The following RBFOX1 variants were observed in gnomAD, a reference collection of about 807,000 sequenced individuals.
RBFOX1 encodes the protein RNA binding fox-1 homolog 1.
RBFOX1 carries 8 observed loss-of-function variants against 57.7 expected under a neutral mutation model. The observed-to-expected ratio is 0.14, with a 90% CI of 0.08 to 0.25. RBFOX1 has a LOEUF of 0.25. RBFOX1 is among the 10% of genes least tolerant of loss of function. The probability of loss-of-function intolerance (pLI) is 1.00; values close to 1 mark genes in which losing one functional copy is unlikely to be tolerated. For missense variants in RBFOX1, 611 were observed against 548.5 expected, an observed-to-expected ratio of 1.11 and a Z score of -1.14; for synonymous variants, 326 against 222.4, an observed-to-expected ratio of 1.47 and a Z score of -4.15.
chr16:7,125,378 T>C (rs1169503691), intron 4 of RBFOX1, among the ~76,000 whole-genome samples: 2 of 152,164 alleles, frequency 1.3e-5, no homozygotes, highest in Non-Finnish European at 2.9e-5. Flanking sequence ...GGCAAATCAA[T>C]AGATGGTTGA....
chr16:5,681,791 T>C (rs2050347827), intron 3 of RBFOX1, among the ~76,000 whole-genome samples: 2 of 151,980 alleles, frequency 1.3e-5, no homozygotes, highest in African/African-American at 4.8e-5. Flanking sequence ...GCAAAGGCCT[T>C]GAGGTGGATT....
intron 4 of RBFOX1, among the ~76,000 whole-genome samples, chr16:5,971,965 G>C (rs1171791764): frequency 1.3e-5 from 2 of 152,224 alleles, no homozygotes; most frequent in African/African-American, 2.4e-5. Flanking sequence ...CCCTGCATCA[G>C]AGAGAATTCC....
At chr16:7,534,871 A>T (rs2081105486) in intron 5 of RBFOX1, among the ~76,000 whole-genome samples, 1 of 152,072 alleles carries the variant, frequency 6.6e-6, no homozygotes, top group Non-Finnish European at 1.5e-5. Context: ...TGGCTTTAGG[A>T]AGCCCTGCGA....
intron 3 of RBFOX1, among the ~76,000 whole-genome samples, chr16:5,732,389 A>T (rs75411510): frequency 6.6e-6 from 1 of 152,210 alleles, no homozygotes; most frequent in African/African-American, 2.4e-5. Flanking sequence ...AGAAGGCTCA[A>T]AGCAACTCAG....
At chr16:6,792,004 T>G (rs2154249201) in intron 3 of RBFOX1, among the ~76,000 whole-genome samples, 1 of 152,274 alleles carries the variant, frequency 6.6e-6, no homozygotes, top group East Asian at 1.9e-4. Context: ...AACTCTGGAG[T>G]TCTGTTTTCC....
At chr16:7,047,766 C>A (rs532806051) in intron 3 of RBFOX1, among the ~76,000 whole-genome samples, 2 of 72,828 alleles carry the variant, frequency 2.7e-5, no homozygotes, top group South Asian at 4.2e-4. Context: ...TTTTTTTCCC[C>A]TATGTTGTTT....
At chr16:7,610,033 G>T (rs1056926093) in intron 10 of RBFOX1, among the ~76,000 whole-genome samples, 18 of 150,508 alleles carry the variant, frequency 1.2e-4, no homozygotes, top group African/African-American at 3.7e-4. Context: ...AGCCAGGATG[G>T]TCTCCATCTC....
intron 2 of RBFOX1, among the ~76,000 whole-genome samples, chr16:6,620,996 CCTA>C (rs2098221743): frequency 6.6e-6 from 1 of 152,182 alleles, no homozygotes; most frequent in Non-Finnish European, 1.5e-5. Flanking sequence ...AGGGTTGATT[CCTA>C]CTAGAGGCTT....
chr16:6,995,547 C>G (rs2092126750), intron 3 of RBFOX1, among the ~76,000 whole-genome samples: 1 of 151,978 alleles, frequency 6.6e-6, no homozygotes. Context: ...GGTGGATCAC[C>G]TTAGGTCAGG....
At chr16:5,499,341 C>G (rs1265477473) in intron 2 of RBFOX1, among the ~76,000 whole-genome samples, 1 of 152,154 alleles carries the variant, frequency 6.6e-6, no homozygotes, top group Non-Finnish European at 1.5e-5. Context: ...CTTGCTGCCC[C>G]TGTTGGTAGA....
In RBFOX1 at chr16:6,097,340, G is replaced by A. The variant is rs558569118; in HGVS notation, c.-127+77348G>A. On this transcript the variant is annotated intron_variant, in intron 1 of 15. Transcript: ENST00000550418. This position sits in a 1 kb window ranked among gnomAD's most constrained non-coding sequence, Gnocchi z 5.0. ...CCCTTTCTTCCTACCCCTGTGATTT[G>A]GGTGGATATTAAAATTTTGCAAGCC... is the stretch of plus-strand genomic sequence containing the variant. 6.6e-6 allele frequency among the ~76,000 whole-genome samples: 1 copy of A among 151,990 alleles called. No individual in the cohort carries two copies. Among genetic ancestry groups the A allele is most frequent in the Non-Finnish European group, 1.5e-5 (1 of 68,008 alleles).
chr16:6,397,525 C>G (rs1250342692), intron 2 of RBFOX1, among the ~76,000 whole-genome samples: 1 of 151,808 alleles, frequency 6.6e-6, no homozygotes, highest in Non-Finnish European at 1.5e-5. Context: ...TAGTCCTGTA[C>G]TATAAGAACT....
chr16:6,934,022 C>T (rs1033035954), intron 3 of RBFOX1, among the ~76,000 whole-genome samples: 4 of 152,264 alleles, frequency 2.6e-5, no homozygotes, highest in East Asian at 3.9e-4. Flanking sequence ...GGAGGGGACA[C>T]GATTGCACAC....
intron 3 of RBFOX1, among the ~76,000 whole-genome samples, chr16:6,942,356 C>G (rs1273607451): frequency 2.0e-5 from 3 of 152,156 alleles, no homozygotes; most frequent in African/African-American, 7.2e-5. Context: ...TTTTTTGTGA[C>G]ATTTTGTTGC....
chr16:6,609,809 A>T (rs2098014268), intron 2 of RBFOX1, among the ~76,000 whole-genome samples: 1 of 152,024 alleles, frequency 6.6e-6, no homozygotes. Flanking sequence ...AAAGGTCAAG[A>T]CCATCCTGGC....
At chr16:7,575,372 A>T (rs2152806367) in intron 5 of RBFOX1, among the ~76,000 whole-genome samples, 1 of 152,162 alleles carries the variant, frequency 6.6e-6, no homozygotes, top group African/African-American at 2.4e-5. Flanking sequence ...TTACCTCATG[A>T]TCTGCCCCGC....
intron 11 of RBFOX1, among the ~76,000 whole-genome samples, chr16:7,650,516 G>T (rs368430525): frequency 1.6e-4 from 24 of 152,236 alleles, no homozygotes; most frequent in African/African-American, 5.5e-4. Flanking sequence ...CTGTAATGAA[G>T]AGGGTACAAA....
intron 4 of RBFOX1, among the ~76,000 whole-genome samples, chr16:7,468,172 T>C (rs1599168297): frequency 6.6e-6 from 1 of 152,174 alleles, no homozygotes; most frequent in East Asian, 1.9e-4. Flanking sequence ...GTAAAGTTGC[T>C]TGGTACACAG....
intron 2 of RBFOX1, among the ~76,000 whole-genome samples, chr16:5,573,640 C>G (rs1266669560): frequency 6.6e-6 from 1 of 152,150 alleles, no homozygotes; most frequent in African/African-American, 2.4e-5. Context: ...CCCCCTTTCC[C>G]CGTCCAGGCA....
Sources: allele counts gnomAD v4.1 joint callset (sites outside exome capture counted in the v4.1 genomes callset), GRCh38; gene constraint gnomAD v4.1.1; non-coding constraint Gnocchi (gnomAD v3.1); transcripts MANE v1.5; gene names NCBI Gene and HGNC (gene_info 2026-07-23, HGNC 2026-07-21).